Variants in SLC16A2 observed in about 807,000 individuals in gnomAD.
The protein encoded by SLC16A2 is solute carrier family 16 member 2, also known as monocarboxylate transporter 8.
In SLC16A2, 3 loss-of-function variants were observed where a neutral mutation model predicts 27.2. The observed-to-expected ratio is 0.11, with a 90% CI of 0.05 to 0.28. The LOEUF (loss-of-function observed/expected upper bound fraction) is 0.28, where lower values mean the gene tolerates loss of function less well. Among genes scored for constraint, SLC16A2 ranks in the 10% least tolerant of loss-of-function variants. The pLI is 1.00. For synonymous variants in SLC16A2, 202 were observed against 187.8 expected, an observed-to-expected ratio of 1.08 and a Z score of -0.62; for missense variants, 295 against 458.5, an observed-to-expected ratio of 0.64 and a Z score of 3.26.
chrX:74,514,729 A>G (rs745332920), intron 1 of SLC16A2, among the ~76,000 whole-genome samples: 1 of 111,965 alleles, frequency 8.9e-6, no homozygotes, highest in South Asian at 3.7e-4. Flanking sequence ...CATGGGAAAC[A>G]GTAACAAGGA....
At position 74,434,963 on chromosome X, in the gene SLC16A2, A is replaced by G. The variant is rs778447206; in HGVS notation, c.430+12896A>G. On this transcript the variant is annotated intron_variant, in intron 1 of 5. Coordinates refer to ENST00000587091, the MANE Select transcript of SLC16A2 (RefSeq NM_006517.5). ...CCCAGCCTCCCAAGTAGCTGGGATT[A>G]CAGGCACATGCCACCATGCCCAGCT... is the stretch of plus-strand genomic sequence containing the variant. 8.4e-5 allele frequency among the ~76,000 whole-genome samples: 9 copies of G among 107,297 alleles called. No homozygotes were observed. In the East Asian group the frequency reaches 2.3e-3, roughly 28 times the overall value. 93.2% of individuals were successfully genotyped at this position (107,297 alleles called of 115,157 possible). A position where few individuals can be genotyped will look rare whatever the true frequency, so the allele number is the denominator to read the frequency against.
At chrX:74,516,052 GTTTT>G (rs886870767) in intron 1 of SLC16A2, among the ~76,000 whole-genome samples, 7 of 110,179 alleles carry the variant, frequency 6.4e-5, no homozygotes, top group Non-Finnish European at 1.1e-4. Flanking sequence ...CTCCTTTTGT[GTTTT>G]TTTTTCTTTC....
At chrX:74,468,151 CA>C (rs1929287956) in intron 1 of SLC16A2, among the ~76,000 whole-genome samples, 1 of 111,761 alleles carries the variant, frequency 8.9e-6, no homozygotes, top group Non-Finnish European at 1.9e-5. Context: ...GTACACAATT[CA>C]ATGGTTTTTA....
intron 1 of SLC16A2, among the ~76,000 whole-genome samples, chrX:74,478,029 T>A (rs1410810564): frequency 8.9e-6 from 1 of 111,775 alleles, no homozygotes; most frequent in Non-Finnish European, 1.9e-5. Flanking sequence ...TGAGATCAGT[T>A]CCTGGATATC....
chrX:74,511,273 C>G (rs765838505), intron 1 of SLC16A2, among the ~76,000 whole-genome samples: 4 of 110,651 alleles, frequency 3.6e-5, no homozygotes, highest in African/African-American at 9.8e-5. Flanking sequence ...GCTCCGCCTC[C>G]CAGGTTCGCG....
chrX:74,483,375 G>C (rs927250585), intron 1 of SLC16A2, among the ~76,000 whole-genome samples: 2 of 111,131 alleles, frequency 1.8e-5, no homozygotes, highest in African/African-American at 6.6e-5. Context: ...AGTCTTCAAG[G>C]CTTGCCCAGA....
chrX:74,428,148 G>A (rs1021823837), intron 1 of SLC16A2, among the ~76,000 whole-genome samples: 1 of 111,200 alleles, frequency 9.0e-6, no homozygotes, highest in Non-Finnish European at 1.9e-5. Flanking sequence ...ACTGGGAAGC[G>A]GGTTTAGGCA....
chrX:74,505,053 ATGTC>A (rs1357502188), intron 1 of SLC16A2, among the ~76,000 whole-genome samples: 1 of 111,966 alleles, frequency 8.9e-6, no homozygotes, highest in African/African-American at 3.2e-5. Context: ...TCTTAAATCC[ATGTC>A]TGTCTGACTC....
chrX:74,528,534 G>T (rs138493991), intron 4 of SLC16A2, among the ~76,000 whole-genome samples: 358 of 111,375 alleles, frequency 3.2e-3, no homozygotes, highest in Non-Finnish European at 5.3e-3. Flanking sequence ...CCCCTGGAAG[G>T]CTCCTCTGTT....
chrX:74,524,067 T>C (rs1294193000), intron 2 of SLC16A2, among the ~76,000 whole-genome samples: 1 of 111,839 alleles, frequency 8.9e-6, no homozygotes, highest in Non-Finnish European at 1.9e-5. Context: ...CAGTCCTCTT[T>C]GATGGGGTGC....
chrX:74,498,679 T>G (rs1929978024), intron 1 of SLC16A2, among the ~76,000 whole-genome samples: 1 of 112,013 alleles, frequency 8.9e-6, no homozygotes, highest in Non-Finnish European at 1.9e-5. Flanking sequence ...AAGAACCCAT[T>G]GGTTGAGTAC....
At chrX:74,440,801 GGTGT>G (rs35869235) in intron 1 of SLC16A2, among the ~76,000 whole-genome samples, 7 of 103,100 alleles carry the variant, frequency 6.8e-5, no homozygotes, top group Non-Finnish European at 1.2e-4. Flanking sequence ...AATAAATGAG[GGTGT>G]GTGTGTGTGT....
At chrX:74,493,444 G>A (rs907039112) in intron 1 of SLC16A2, among the ~76,000 whole-genome samples, 2 of 112,027 alleles carry the variant, frequency 1.8e-5, no homozygotes, top group African/African-American at 3.2e-5. Context: ...ATGCCAGAAC[G>A]TGGGGCTCCC....
chrX:74,478,661 CT>C (rs1929542506), intron 1 of SLC16A2, among the ~76,000 whole-genome samples: 1 of 111,112 alleles, frequency 9.0e-6, no homozygotes, highest in African/African-American at 3.3e-5. Flanking sequence ...TTCAGGAGCT[CT>C]TTTAGGGCAG....
chrX:74,485,231 A>T (rs1359337547), intron 1 of SLC16A2, among the ~76,000 whole-genome samples: 1 of 109,239 alleles, frequency 9.2e-6, no homozygotes, highest in Non-Finnish European at 1.9e-5. Context: ...AAAAAAAAAA[A>T]AAATTAAGGA....
intron 1 of SLC16A2, among the ~76,000 whole-genome samples, chrX:74,519,153 C>A (rs1210727359): frequency 9.1e-6 from 1 of 109,632 alleles, no homozygotes; most frequent in Non-Finnish European, 1.9e-5. Flanking sequence ...TTACAAAGTT[C>A]TCTTCTTATA....
intron 3 of SLC16A2, among the ~76,000 whole-genome samples, chrX:74,525,178 A>G (rs1930470518): frequency 1.8e-5 from 2 of 111,764 alleles, no homozygotes. Flanking sequence ...TTAGGAAGTA[A>G]CATATACTGG....
intron 1 of SLC16A2, among the ~76,000 whole-genome samples, chrX:74,453,765 C>T (rs1489635191): frequency 9.0e-6 from 1 of 110,953 alleles, no homozygotes; most frequent in Non-Finnish European, 1.9e-5. Flanking sequence ...CATAATGATT[C>T]CAAACTTAGT....
At chrX:74,473,391 A>C in intron 1 of SLC16A2, 2 of 539,591 alleles carry the variant, frequency 3.7e-6, no homozygotes, top group Non-Finnish European at 3.3e-6. Flanking sequence ...GCAATGGCCA[A>C]CTCTTGCTTT....
Sources: gnomAD v4.1 joint callset for allele counts (sites outside exome capture counted in the v4.1 genomes callset) on GRCh38, gnomAD v4.1.1 for gene constraint, MANE v1.5 for transcripts, NCBI Gene and HGNC (gene_info 2026-07-23, HGNC 2026-07-21) for gene names.